Variants in NPHP4 observed in about 807,000 individuals in gnomAD.
NPHP4 encodes the protein nephrocystin-4.
A neutral mutation model predicts 155.8 loss-of-function variants in NPHP4; 151 were observed. The observed-to-expected ratio is 0.97, with a 90% CI of 0.85 to 1.11. NPHP4 has a LOEUF of 1.11. Among genes scored for constraint, NPHP4 ranks in the 50% least tolerant of loss-of-function variants. NPHP4 has a pLI of 0.00. For synonymous variants in NPHP4, 845 were observed against 816.8 expected (o/e 1.03, Z -0.59); for missense variants, 1,956 against 1,925.7 (o/e 1.02, Z -0.29).
intron 18 of NPHP4, among the ~76,000 whole-genome samples, chr1:5,884,750 G>A (rs1482889436): frequency 7.3e-6 from 1 of 136,714 alleles, no homozygotes; most frequent in Non-Finnish European, 1.5e-5. Flanking sequence ...CAAGATCACT[G>A]CCCAAGCTCC....
chr1:5,885,920 T>C (rs1017624064), intron 18 of NPHP4, among the ~76,000 whole-genome samples: 21 of 152,272 alleles, frequency 1.4e-4, no homozygotes, highest in South Asian at 4.1e-4. Flanking sequence ...TGAAAACCTC[T>C]CCCTCTCCCG....
At chr1:5,930,092 G>C (rs549362767) in intron 10 of NPHP4, among the ~76,000 whole-genome samples, 34 of 152,230 alleles carry the variant, frequency 2.2e-4, no homozygotes, top group African/African-American at 7.9e-4. Context: ...GCAGAGAATT[G>C]TTTGTAGTAT....
chr1:5,882,908 T>A lies in NPHP4; in HGVS notation c.2486-2669A>T, dbSNP rs1157237811. The A allele has an allele frequency of 6.6e-6, 1 of 152,206 alleles. No homozygotes were observed. The highest frequency in any genetic ancestry group is 1.5e-5 in the Non-Finnish European group (1 of 68,090). The allele number at this position is 152,206 out of a possible 1,614,324, so 9.4% of individuals were successfully genotyped here. A position where few individuals can be genotyped will look rare whatever the true frequency, so the allele number is the denominator to read the frequency against. The stretch of plus-strand genomic sequence containing the variant: ...GCCCTGACAACTCGTGGTCACAGGA[T>A]CAAGATCCTCGTCCCTAAGAAAGGA... On this transcript the variant is annotated intron_variant, in intron 18 of 29. Coordinates refer to ENST00000378156, the MANE Select transcript of NPHP4 (RefSeq NM_015102.5). The surrounding 1 kb of genome is among the most constrained non-coding windows in gnomAD (Gnocchi z 5.1).
At chr1:5,925,278 T>C (rs1013076033) in intron 11 of NPHP4, among the ~76,000 whole-genome samples, 2 of 152,206 alleles carry the variant, frequency 1.3e-5, no homozygotes, top group South Asian at 4.1e-4. Flanking sequence ...ATGATTTACA[T>C]AGCATTTGCA....
At position 5,986,246 on chromosome 1, in the gene NPHP4, G is replaced by A. The variant is rs765503010; in HGVS notation, c.44C>T (p.Pro15Leu). The A allele has an allele frequency of 2.5e-6, 4 of 1,613,866 alleles. No homozygotes were observed. Among genetic ancestry groups the A allele is most frequent in the Admixed American group, 3.3e-5 (2 of 60,012 alleles). ...CTGGCGCGCTCTCTGTGGGTGGGGA[G>A]GGACAAGCACGTTTTGGGTGAAGAT... ...HRIFTQNVLV[P>L]PHPQRARQPW... Residue 15 changes from proline (P) to leucine (L), a missense_variant, in exon 2 of 30, where the codon CCT becomes CTT. Coordinates refer to ENST00000378156, the MANE Select transcript of NPHP4 (RefSeq NM_015102.5).
At position 5,912,711 on chromosome 1, in the gene NPHP4, A is replaced by G. The variant is rs80127557; in HGVS notation, c.1442-3498T>C. On this transcript the variant is annotated intron_variant, in intron 11 of 29. Coordinates refer to ENST00000378156, the MANE Select transcript of NPHP4 (RefSeq NM_015102.5). The stretch of plus-strand genomic sequence containing the variant: ...ATTAAATGTTAGTTTAACAGTCATT[A>G]TAAGACACACCTGTAGGTCCCTGAT... 2.7e-4 allele frequency among the ~76,000 whole-genome samples: 41 copies of G among 152,334 alleles called. No individual in the cohort carries two copies. The East Asian group carries it at 7.1e-3, about 27-fold the overall frequency.
chr1:5,878,075 G>C (rs1642806209), intron 19 of NPHP4, among the ~76,000 whole-genome samples: 1 of 152,234 alleles, frequency 6.6e-6, no homozygotes, highest in Non-Finnish European at 1.5e-5. Context: ...GCACAGGCAG[G>C]GCAGCTGAGA....
At position 5,867,141 on chromosome 1, in the gene NPHP4, A is replaced by G. The variant is rs1407529625; in HGVS notation, c.3473-26T>C. Reference sequence around the variant, plus strand: ...CTGGAGCAGGGGAAATGTCAAAAAGAGTCTTCTCCACAGCCCCAGCCTGTG... The same window carrying G: ...CTGGAGCAGGGGAAATGTCAAAAAGGGTCTTCTCCACAGCCCCAGCCTGTG... On this transcript the variant is annotated intron_variant, in intron 24 of 29. Transcript: ENST00000378156. The surrounding 1 kb of genome is among the most constrained non-coding windows in gnomAD (Gnocchi z 4.1). 1.9e-6 allele frequency: 3 copies of G among 1,563,360 alleles called. No homozygotes were observed. The highest frequency in any genetic ancestry group is 2.6e-6 in the Non-Finnish European group (3 of 1,142,670).
intron 11 of NPHP4, among the ~76,000 whole-genome samples, chr1:5,917,952 C>T (rs182383034): frequency 9.8e-5 from 15 of 152,304 alleles, no homozygotes; most frequent in Admixed American, 2.6e-4. Context: ...TTCAAGATGG[C>T]GAACACCCTC....
chr1:5,975,839 C>T (rs1482160507), intron 3 of NPHP4, among the ~76,000 whole-genome samples: 1 of 152,208 alleles, frequency 6.6e-6, no homozygotes, highest in Non-Finnish European at 1.5e-5. Flanking sequence ...GAGAGGCATC[C>T]ATTCCAAAGA....
Position 5,933,247 on chromosome 1 carries a change from T to C in NPHP4, c.1202A>G (p.Asp401Gly). The C allele has an allele frequency of 6.2e-7, 1 of 1,613,906 alleles. No homozygotes were observed. The highest frequency in any genetic ancestry group is 1.7e-4 in the Middle Eastern group (1 of 6,048). Reference sequence around the variant, plus strand: ...CAGAGGCAGGGTCACCCTTCCAGAATCAGCTTCCAGCAAGGGGTTCCAAAC... The same window carrying C: ...CAGAGGCAGGGTCACCCTTCCAGAACCAGCTTCCAGCAAGGGGTTCCAAAC... ...WAVWNPLLEADSGRVTLPLQG... is the reference protein window; with the variant it reads ...WAVWNPLLEAGSGRVTLPLQG... Residue 401 changes from aspartate (D) to glycine (G), a missense_variant, in exon 10 of 30, where the codon GAT (aspartate) becomes GGT (glycine). Physicochemically the swap from Asp to Gly is moderately conservative, Grantham distance 94. Coordinates refer to ENST00000378156, the MANE Select transcript of NPHP4 (RefSeq NM_015102.5).
At chr1:5,954,126 C>A (rs1003701400) in intron 6 of NPHP4, among the ~76,000 whole-genome samples, 2 of 152,018 alleles carry the variant, frequency 1.3e-5, no homozygotes, top group African/African-American at 4.8e-5. Flanking sequence ...ACTTTTTGAA[C>A]CTATTCAGTG....
At chr1:5,869,177 C>T (rs1156504117) in intron 23 of NPHP4, among the ~76,000 whole-genome samples, 2 of 147,478 alleles carry the variant, frequency 1.4e-5, no homozygotes, top group African/African-American at 5.0e-5. Flanking sequence ...CACATGCACA[C>T]AATGCACACA....
intron 16 of NPHP4, among the ~76,000 whole-genome samples, chr1:5,901,509 A>T (rs182101894): frequency 2.6e-5 from 4 of 152,254 alleles, no homozygotes; most frequent in Admixed American, 6.5e-5. Context: ...CATAATGACA[A>T]GAAAAATTTG....
At chr1:5,943,978 G>A (rs1426588776) in intron 9 of NPHP4, among the ~76,000 whole-genome samples, 2 of 152,062 alleles carry the variant, frequency 1.3e-5, no homozygotes, top group Non-Finnish European at 2.9e-5. Context: ...TGGGTGCAGG[G>A]AGCGCACCAC....
At chr1:5,876,873 A>AG in intron 20 of NPHP4, 2 of 398,244 alleles carry the variant, frequency 5.0e-6, no homozygotes, top group South Asian at 1.3e-4. Context: ...CAGAATCTCC[A>AG]GGGGTGACGC....
rs1380121605 is a variant in NPHP4 at position 5,944,239 on chromosome 1, C to T, written c.1119+2865G>A. Among the ~76,000 whole-genome samples, 1 of 152,162 alleles carries T rather than the reference C, an allele frequency of 6.6e-6. No homozygotes were observed. The highest frequency in any genetic ancestry group is 2.4e-5 in the African/African-American group (1 of 41,444). ...TCAGCTGTGCTTACAGCTTCCACCA[C>T]GCAGGGTCCTCACCAAAGACAAGGA... On this transcript the variant is annotated intron_variant, in intron 9 of 29. Coordinates refer to ENST00000378156, the MANE Select transcript of NPHP4 (RefSeq NM_015102.5). The surrounding 1 kb of genome is among the most constrained non-coding windows in gnomAD (Gnocchi z 4.3).
chr1:5,970,937 AAGAG>A (rs1475047215), intron 3 of NPHP4, among the ~76,000 whole-genome samples: 1 of 152,230 alleles, frequency 6.6e-6, no homozygotes, highest in Non-Finnish European at 1.5e-5. Context: ...TGGTTGGACT[AAGAG>A]AGAATTATGT....
intron 11 of NPHP4, among the ~76,000 whole-genome samples, chr1:5,917,107 G>A (rs560741666): frequency 1.4e-4 from 21 of 152,224 alleles, no homozygotes; most frequent in Admixed American, 9.2e-4. Context: ...CCCTGAATCC[G>A]TACTCTCTTC....
Sources: allele counts gnomAD v4.1 joint callset (sites outside exome capture counted in the v4.1 genomes callset), GRCh38; gene constraint gnomAD v4.1.1; non-coding constraint Gnocchi (gnomAD v3.1); transcripts MANE v1.5; gene names NCBI Gene and HGNC (gene_info 2026-07-23, HGNC 2026-07-21).